MBNL1: variants seen among roughly 807,000 people sequenced by gnomAD.
The protein encoded by MBNL1 is muscleblind-like protein 1.
In MBNL1, 8 loss-of-function variants were observed where a neutral mutation model predicts 42.2. The ratio of observed to expected loss-of-function variants is 0.19; its 90% confidence interval spans 0.11 to 0.34. The LOEUF is 0.34. Among genes scored for constraint, MBNL1 ranks in the 10% least tolerant of loss-of-function variants. The pLI is 1.00. For synonymous variants in MBNL1, 169 were observed against 173.9 expected, an observed-to-expected ratio of 0.97 and a Z score of 0.22; for missense variants, 309 against 495.3, an observed-to-expected ratio of 0.62 and a Z score of 3.57.
chr3:152,446,754 C>T, intron 5 of MBNL1: 4 of 1,613,680 alleles, frequency 2.5e-6, no homozygotes, highest in Non-Finnish European at 3.4e-6. Context: ...CAACCTTTGA[C>T]CTGGTACTAT....
At position 152,342,553 on chromosome 3, in the gene MBNL1, AAC is replaced by A. The variant is rs111644138; in HGVS notation, c.174+42219_174+42220del. Among the ~76,000 whole-genome samples, 945 of 146,032 alleles carry A rather than the reference AAC, an allele frequency of 6.5e-3. 8 individuals carry two copies. The highest frequency in any genetic ancestry group is 0.016 in the African/African-American group (641 of 38,960). On this transcript the variant is annotated intron_variant, in intron 2 of 9. Coordinates refer to ENST00000324210, the MANE Select transcript of MBNL1 (RefSeq NM_021038.5). ...TCTGTCTTACTGGGAAACTAAACAA[AAC>A]ACACACACACACACACACACACACA...
chr3:152,440,475 A>G (rs929059626), intron 4 of MBNL1, among the ~76,000 whole-genome samples: 10 of 152,326 alleles, frequency 6.6e-5, no homozygotes, highest in Admixed American at 2.6e-4. Flanking sequence ...TTTTAAAACC[A>G]TCAGATGTCA....
chr3:152,351,433 C>T (rs2094971580), intron 2 of MBNL1, among the ~76,000 whole-genome samples: 1 of 152,126 alleles, frequency 6.6e-6, no homozygotes, highest in Non-Finnish European at 1.5e-5. Context: ...GTCTGCCTCT[C>T]ATGTAGAAAA....
intron 4 of MBNL1, among the ~76,000 whole-genome samples, chr3:152,434,343 T>G (rs1194941166): frequency 1.3e-5 from 2 of 152,226 alleles, no homozygotes; most frequent in Non-Finnish European, 2.9e-5. Context: ...CTTAGGATAA[T>G]GGCCTCCAGC....
At chr3:152,330,561 A>G (rs1351997489) in intron 2 of MBNL1, among the ~76,000 whole-genome samples, 3 of 152,214 alleles carry the variant, frequency 2.0e-5, no homozygotes, top group African/African-American at 7.2e-5. Context: ...TGCTATAACG[A>G]CATGGAATAC....
chr3:152,297,985 C>T (rs914212013), intron 1 of MBNL1, among the ~76,000 whole-genome samples: 4 of 152,166 alleles, frequency 2.6e-5, no homozygotes, highest in Middle Eastern at 3.4e-3. Flanking sequence ...AAGTTGTAGT[C>T]GTACTGTAGT....
chr3:152,401,623 G>A (rs1352257472), intron 2 of MBNL1, among the ~76,000 whole-genome samples: 1 of 152,136 alleles, frequency 6.6e-6, no homozygotes, highest in Admixed American at 6.5e-5. Context: ...TAGCGGGTGA[G>A]AGAGCTGCAA....
intron 2 of MBNL1, among the ~76,000 whole-genome samples, chr3:152,329,353 G>A (rs1428147122): frequency 6.6e-6 from 1 of 151,998 alleles, no homozygotes; most frequent in Non-Finnish European, 1.5e-5. Flanking sequence ...CGGTCAGACA[G>A]CAATGTCAAA....
chr3:152,410,296 A>G (rs2098537268), intron 2 of MBNL1, among the ~76,000 whole-genome samples: 1 of 152,202 alleles, frequency 6.6e-6, no homozygotes, highest in African/African-American at 2.4e-5. Flanking sequence ...GATAATTCTT[A>G]AATTCACAAT....
intron 2 of MBNL1, among the ~76,000 whole-genome samples, chr3:152,355,533 TAAGTGC>T (rs2095451917): frequency 6.6e-6 from 1 of 152,226 alleles, no homozygotes; most frequent in East Asian, 1.9e-4. Flanking sequence ...CATTTTAGTT[TAAGTGC>T]ATGTTATTTA....
intron 1 of MBNL1, among the ~76,000 whole-genome samples, chr3:152,281,683 G>GT (rs1020811979): frequency 1.3e-5 from 2 of 152,116 alleles, no homozygotes; most frequent in African/African-American, 4.8e-5. Flanking sequence ...CAATTGCTCT[G>GT]TTGGATGGCT....
rs561574608 is a variant in MBNL1, at chr3:152,269,005, C to G, written c.-877C>G. 15 of 456,282 alleles carry G rather than the reference C, an allele frequency of 3.3e-5. No homozygotes were observed. Among genetic ancestry groups the G allele is most frequent in the South Asian group, 2.3e-4 (15 of 64,572 alleles). 28.3% of individuals were successfully genotyped at this position (456,282 alleles called of 1,614,324 possible). On this transcript the variant is annotated 5_prime_UTR_variant, in exon 1 of 10. Transcript: ENST00000324210. Reference sequence around the variant, plus strand: ...CAAGGAGCTGACAAGTTCCATTTTCCGTCGCGGGCATCTTGGAATCATGAC... The same window carrying G: ...CAAGGAGCTGACAAGTTCCATTTTCGGTCGCGGGCATCTTGGAATCATGAC...
chr3:152,343,774 ATGT>A (rs1201429495), intron 2 of MBNL1, among the ~76,000 whole-genome samples: 3 of 152,176 alleles, frequency 2.0e-5, no homozygotes, highest in African/African-American at 7.2e-5. Flanking sequence ...TGTTTAAAAA[ATGT>A]TGTAAGCAGA....
upstream of MBNL1, chr3:152,264,805 T>G (rs761456767): frequency 6.6e-6 from 1 of 152,178 alleles, no homozygotes; most frequent in Non-Finnish European, 1.5e-5. Flanking sequence ...TGCATAATAT[T>G]TAACTGCTTT....
intron 1 of MBNL1, among the ~76,000 whole-genome samples, chr3:152,294,278 C>CTTT (rs201018898): frequency 8.7e-4 from 105 of 121,038 alleles, no homozygotes; most frequent in African/African-American, 1.3e-3. Flanking sequence ...AAGTTTGATT[C>CTTT]TTTTTTTTTT....
intron 2 of MBNL1, among the ~76,000 whole-genome samples, chr3:152,362,633 A>G (rs920557693): frequency 1.3e-5 from 2 of 152,136 alleles, no homozygotes; most frequent in African/African-American, 2.4e-5. Flanking sequence ...GCTTACTAGC[A>G]TCTCTGGCCT....
chr3:152,456,132 C>T (rs971356918), intron 7 of MBNL1, 135 bp from the exon 8 acceptor site: 31 of 661,688 alleles, frequency 4.7e-5, no homozygotes, highest in Middle Eastern at 5.1e-4. Flanking sequence ...GCATGTCACT[C>T]GCTGGTGATG....
At chr3:152,303,203 A>T (rs559699729) in intron 2 of MBNL1, among the ~76,000 whole-genome samples, 1 of 152,168 alleles carries the variant, frequency 6.6e-6, no homozygotes, top group Non-Finnish European at 1.5e-5. Flanking sequence ...AGAAGTCTGT[A>T]TCGTAATAAA....
intron 1 of MBNL1, among the ~76,000 whole-genome samples, chr3:152,290,775 C>T (rs1346574392): frequency 8.5e-5 from 13 of 152,076 alleles, no homozygotes; most frequent in Admixed American, 7.2e-4. Context: ...TTTAAGTAAG[C>T]TTTAGGATCA....
Sources: allele counts gnomAD v4.1 joint callset (sites outside exome capture counted in the v4.1 genomes callset), GRCh38; gene constraint gnomAD v4.1.1; transcripts MANE v1.5; gene names NCBI Gene and HGNC (gene_info 2026-07-23, HGNC 2026-07-21).